Variants in FRA10AC1 observed in about 807,000 individuals in gnomAD.
FRA10AC1 encodes the protein FRA10A associated CGG repeat 1, also known as protein FRA10AC1.
FRA10AC1 carries 43 observed loss-of-function variants against 56.5 expected under a neutral mutation model. That is an observed-to-expected ratio of 0.76 (90% CI 0.60 to 0.98). The LOEUF is 0.98. Ranked by LOEUF, FRA10AC1 falls within the 50% of genes least tolerant of loss-of-function variation. FRA10AC1 has a pLI of 0.00. For synonymous variants in FRA10AC1, 112 were observed against 110.5 expected, an observed-to-expected ratio of 1.01 and a Z score of -0.09; for missense variants, 346 against 351.8, an observed-to-expected ratio of 0.98 and a Z score of 0.13.
At position 93,695,146 on chromosome 10, in the gene FRA10AC1, T is replaced by G. The variant is rs2275440; in HGVS notation, c.220-209A>C. ...AAGATTGTAAAGTACAGGCTTTCTT[T>G]TGACTATTTTTCAAGCATATACTAC... On this transcript the variant is annotated intron_variant, in intron 4 of 13. Coordinates refer to ENST00000359204, the MANE Select transcript of FRA10AC1 (RefSeq NM_145246.5). Among the ~76,000 whole-genome samples, 214 of 152,266 alleles carry G rather than the reference T, an allele frequency of 1.4e-3. 4 individuals carry two copies. In the East Asian group the frequency reaches 0.036, roughly 26 times the overall value.
chr10:93,684,307 A>G (rs894908885), intron 9 of FRA10AC1, among the ~76,000 whole-genome samples: 2 of 152,208 alleles, frequency 1.3e-5, no homozygotes, highest in African/African-American at 4.8e-5. Context: ...TGAGGAATTG[A>G]AAATAACACT....
chr10:93,677,869 G>A (rs762151794), intron 11 of FRA10AC1, among the ~76,000 whole-genome samples: 20 of 152,138 alleles, frequency 1.3e-4, no homozygotes, highest in Non-Finnish European at 2.5e-4. Flanking sequence ...TATCCTTTCA[G>A]TCATGATTCC....
chr10:93,685,416 G>A (rs2133916638), intron 8 of FRA10AC1, 57 bp from the exon 9 acceptor site: 1 of 792,320 alleles, frequency 1.3e-6, no homozygotes, highest in East Asian at 2.6e-5. Flanking sequence ...TTATCTATAT[G>A]ATCTAGTATT....
At chr10:93,701,832 T>C (rs1029840421) in intron 1 of FRA10AC1, among the ~76,000 whole-genome samples, 78 of 152,226 alleles carry the variant, frequency 5.1e-4, no homozygotes, top group African/African-American at 1.8e-3. Flanking sequence ...AGGATCAGCC[T>C]ACTAGATTTC....
intron 10 of FRA10AC1, 44 bp downstream of exon 10, chr10:93,684,012 C>A (rs1392606224): frequency 1.5e-6 from 2 of 1,301,490 alleles, no homozygotes; most frequent in Admixed American, 3.5e-5. Flanking sequence ...ATGACTATAT[C>A]CTGGATTACT....
chr10:93,681,137 C>T (rs775292131), intron 11 of FRA10AC1, among the ~76,000 whole-genome samples: 2 of 152,078 alleles, frequency 1.3e-5, no homozygotes, highest in Non-Finnish European at 2.9e-5. Context: ...AGTATGAAGG[C>T]CAGGTATGCA....
In FRA10AC1 at chr10:93,668,931, C is replaced by T. The variant is rs1227333227; in HGVS notation, c.*895G>A. On this transcript the variant is annotated 3_prime_UTR_variant, in exon 14 of 14. Transcript: ENST00000359204. ...GTATATCTGAGGCAAGATACATGCA[C>T]ATAGTATTATTCAGTTAAATTATCT... 6.6e-6 allele frequency: 1 copy of T among 152,158 alleles called. No homozygotes were observed. The highest frequency in any genetic ancestry group is 2.4e-5 in the African/African-American group (1 of 41,418). 9.4% of individuals were successfully genotyped at this position (152,158 alleles called of 1,614,324 possible).
chr10:93,684,746 A>G (rs2058995997), intron 9 of FRA10AC1, among the ~76,000 whole-genome samples: 1 of 152,186 alleles, frequency 6.6e-6, no homozygotes, highest in South Asian at 2.1e-4. Context: ...GACAGACTCT[A>G]AAACATGCAT....
In FRA10AC1 at chr10:93,692,720, G is replaced by C; in HGVS notation, c.306C>G (p.Asp102Glu). ...KEDFKRLGEN[D>E]KTDLDVIREN... is the part of the protein sequence containing the mutation. ...CTCGTATAACATCCAAGTCTGTCTTGTCATTTTCCCTGGAAAACAGAACTT... is the reference window on the plus strand; with the variant it reads ...CTCGTATAACATCCAAGTCTGTCTTCTCATTTTCCCTGGAAAACAGAACTT... The change falls in exon 6 of 14, where the codon GAC (aspartate) becomes GAG (glutamate). Residue 102 changes from aspartate (D) to glutamate (E), a missense_variant. Asp to Glu is a conservative substitution (Grantham distance 45). Transcript: ENST00000359204. The C allele has an allele frequency of 6.3e-7, 1 of 1,578,102 alleles. No homozygotes were observed. The highest frequency in any genetic ancestry group is 8.6e-7 in the Non-Finnish European group (1 of 1,165,266).
chr10:93,697,544 G>A (rs766057816), intron 4 of FRA10AC1, among the ~76,000 whole-genome samples: 43 of 152,258 alleles, frequency 2.8e-4, no homozygotes, highest in Admixed American at 1.0e-3. Flanking sequence ...GATGGCCAGC[G>A]TAGCAGTTAG....
chr10:93,673,406 C>A, intron 12 of FRA10AC1: 1 of 455,336 alleles, frequency 2.2e-6, no homozygotes, highest in South Asian at 1.6e-5. Context: ...TTTCTCCATA[C>A]CTCAGTTTTT....
At chr10:93,701,862 T>C (rs1460867430) in intron 1 of FRA10AC1, among the ~76,000 whole-genome samples, 2 of 152,042 alleles carry the variant, frequency 1.3e-5, no homozygotes, top group Non-Finnish European at 1.5e-5. Context: ...CTCTGCACTT[T>C]CCATTTGTCT....
At chr10:93,675,675 A>G in intron 12 of FRA10AC1, 1 of 375,696 alleles carries the variant, frequency 2.7e-6, no homozygotes, top group Non-Finnish European at 5.7e-6. Context: ...ACTGCACTCC[A>G]ACCTGGGTGA....
chr10:93,682,509 A>G (rs2058952859), intron 10 of FRA10AC1, among the ~76,000 whole-genome samples: 1 of 152,182 alleles, frequency 6.6e-6, no homozygotes, highest in Admixed American at 6.5e-5. Context: ...CAGTAATCCA[A>G]AAAAGTTCTG....
intron 5 of FRA10AC1, among the ~76,000 whole-genome samples, chr10:93,694,492 G>C (rs1265812996): frequency 1.3e-5 from 2 of 151,958 alleles, no homozygotes; most frequent in African/African-American, 4.8e-5. Context: ...AAGACAGGTG[G>C]ATCACAAGGT....
intron 11 of FRA10AC1, among the ~76,000 whole-genome samples, chr10:93,679,291 T>G (rs2058893221): frequency 6.6e-6 from 1 of 152,134 alleles, no homozygotes; most frequent in African/African-American, 2.4e-5. Context: ...GCTAGTGGGG[T>G]GCTGGGGATA....
chr10:93,687,321 T>C lies in FRA10AC1; in HGVS notation c.511+83A>G, dbSNP rs1368271788. 2.8e-6 allele frequency: 3 copies of C among 1,088,394 alleles called. No homozygotes were observed. In the Middle Eastern group the frequency reaches 6.9e-4, roughly 251 times the overall value. 67.4% of individuals were successfully genotyped at this position (1,088,394 alleles called of 1,614,324 possible). On this transcript the variant is annotated intron_variant, in intron 8 of 13. Coordinates refer to ENST00000359204, the MANE Select transcript of FRA10AC1 (RefSeq NM_145246.5). ...GTAGCTAATAATTTCTTGTATATGT[T>C]AGGAATGATCTTAATGACTCCAATT...
intron 12 of FRA10AC1, chr10:93,674,956 G>A (rs1005136549): frequency 6.6e-6 from 1 of 152,134 alleles, no homozygotes; most frequent in African/African-American, 2.4e-5. Flanking sequence ...TTCATCCTGA[G>A]ATAACATTGG....
In FRA10AC1 at chr10:93,670,696, A is replaced by G. The variant is rs1194538526; in HGVS notation, c.905+74T>C. 5 of 950,600 alleles carry G rather than the reference A, an allele frequency of 5.3e-6. No homozygotes were observed. In the Admixed American group the frequency reaches 9.8e-5, roughly 19 times the overall value. 58.9% of individuals were successfully genotyped at this position (950,600 alleles called of 1,614,324 possible). A position where few individuals can be genotyped will look rare whatever the true frequency, so the allele number is the denominator to read the frequency against. On this transcript the variant is annotated intron_variant, in intron 13 of 13. Coordinates refer to ENST00000359204, the MANE Select transcript of FRA10AC1 (RefSeq NM_145246.5). ...GATCACCATGATGTTGTATTTTTCC[A>G]TTAATAAAGCTGTGGTTATAGCTTC...
Sources: gnomAD v4.1 joint callset for allele counts (sites outside exome capture counted in the v4.1 genomes callset) on GRCh38, gnomAD v4.1.1 for gene constraint, MANE v1.5 for transcripts, NCBI Gene and HGNC (gene_info 2026-07-23, HGNC 2026-07-21) for gene names.